The following TBC1D5 variants were observed in gnomAD, a reference collection of about 807,000 sequenced individuals.
TBC1D5 encodes the protein TBC1 domain family, member 5.
Under a neutral mutation model 100.3 loss-of-function variants are expected in TBC1D5, and 75 were observed. The observed-to-expected ratio is 0.75, with a 90% CI of 0.62 to 0.91. The LOEUF (loss-of-function observed/expected upper bound fraction) is 0.91. TBC1D5 is among the 40% of genes least tolerant of loss of function. The pLI is 0.00. For synonymous variants in TBC1D5, 323 were observed against 325.6 expected (o/e 0.99, Z 0.09); for missense variants, 910 against 942.4 (o/e 0.97, Z 0.45).
chr3:17,350,613 C>T (rs2090458472), intron 13 of TBC1D5, among the ~76,000 whole-genome samples: 1 of 152,198 alleles, frequency 6.6e-6, no homozygotes, highest in East Asian at 1.9e-4. Context: ...ACCAGTCATT[C>T]GCGACACATT....
At chr3:17,408,462 C>T (rs931682135) in intron 4 of TBC1D5, among the ~76,000 whole-genome samples, 4 of 151,932 alleles carry the variant, frequency 2.6e-5, no homozygotes, top group Non-Finnish European at 5.9e-5. Flanking sequence ...CAGGAGGGAC[C>T]ACAGGCACAC....
At chr3:17,733,596 A>C (rs1036168187) in intron 1 of TBC1D5, among the ~76,000 whole-genome samples, 1 of 152,206 alleles carries the variant, frequency 6.6e-6, no homozygotes, top group African/African-American at 2.4e-5. Flanking sequence ...CTGAGCTAGA[A>C]GGGTCCTTAG....
At chr3:17,489,032 T>C (rs1317152917) in intron 3 of TBC1D5, among the ~76,000 whole-genome samples, 2 of 151,128 alleles carry the variant, frequency 1.3e-5, no homozygotes, top group African/African-American at 2.4e-5. Context: ...CATGGAAAAA[T>C]TGTCTTCCAT....
intron 2 of TBC1D5, chr3:17,547,064 C>G (rs2096424054): frequency 1.3e-5 from 2 of 152,108 alleles, no homozygotes; most frequent in South Asian, 4.1e-4. Flanking sequence ...GTGTAATCAA[C>G]AGCAGCAGGG....
chr3:17,732,291 C>G (rs1388912538), intron 1 of TBC1D5, among the ~76,000 whole-genome samples: 1 of 151,950 alleles, frequency 6.6e-6, no homozygotes, highest in African/African-American at 2.4e-5. Context: ...GCACTCCAGC[C>G]TGGGCAACAG....
rs997654176 is a variant in TBC1D5 at position 17,405,046 on chromosome 3, G to C, written c.277-85C>G. The C allele has an allele frequency of 8.5e-6, 6 of 703,880 alleles. No homozygotes were observed. In the African/African-American group the frequency reaches 1.1e-4, roughly 13 times the overall value. 43.6% of individuals were successfully genotyped at this position (703,880 alleles called of 1,614,324 possible). A position where few individuals can be genotyped will look rare whatever the true frequency, so the allele number is the denominator to read the frequency against. On this transcript the variant is annotated intron_variant, in intron 5 of 21. Coordinates refer to ENST00000253692, the Ensembl canonical transcript of TBC1D5. ...TGCCAAACTGAACCACCTGAACATT[G>C]AAAGACATAATAGTCATGATATTTC...
At chr3:17,382,711 C>A (rs2092995988) in intron 9 of TBC1D5, among the ~76,000 whole-genome samples, 1 of 151,906 alleles carries the variant, frequency 6.6e-6, no homozygotes. Context: ...TACGTGTGCA[C>A]CACCATGCCC....
chr3:17,196,934 C>T (rs1377238993), intron 18 of TBC1D5, among the ~76,000 whole-genome samples: 1 of 152,210 alleles, frequency 6.6e-6, no homozygotes, highest in Non-Finnish European at 1.5e-5. Context: ...TGCTTACACA[C>T]AACATCATCC....
intron 3 of TBC1D5, among the ~76,000 whole-genome samples, chr3:17,479,407 TAAAG>T (rs1047756754): frequency 6.6e-6 from 1 of 151,880 alleles, no homozygotes; most frequent in Non-Finnish European, 1.5e-5. Flanking sequence ...TCAGAAAAAA[TAAAG>T]AAAGGAAACA....
chr3:17,679,323 A>T (rs944670121), intron 1 of TBC1D5, among the ~76,000 whole-genome samples: 1 of 151,562 alleles, frequency 6.6e-6, no homozygotes, highest in Non-Finnish European at 1.5e-5. Context: ...ATGTTTTATA[A>T]TAGATTATTG....
At chr3:17,342,487 G>T (rs1267929753) in intron 13 of TBC1D5, among the ~76,000 whole-genome samples, 2 of 152,228 alleles carry the variant, frequency 1.3e-5, no homozygotes, top group African/African-American at 4.8e-5. Context: ...TTTCTAGTTA[G>T]TACAGTATGT....
intron 3 of TBC1D5, among the ~76,000 whole-genome samples, chr3:17,467,244 T>C (rs2095314723): frequency 6.6e-6 from 1 of 151,238 alleles, no homozygotes; most frequent in Non-Finnish European, 1.5e-5. Flanking sequence ...GAATGCTAAC[T>C]ATTAAGTCCA....
intron 17 of TBC1D5, among the ~76,000 whole-genome samples, chr3:17,219,780 A>T (rs1460863956): frequency 6.6e-6 from 1 of 152,078 alleles, no homozygotes; most frequent in African/African-American, 2.4e-5. Context: ...AATATGCCAT[A>T]AAACTCGCTC....
chr3:17,514,338 T>C (rs1425469391), intron 2 of TBC1D5, among the ~76,000 whole-genome samples: 1 of 152,238 alleles, frequency 6.6e-6, no homozygotes, highest in Non-Finnish European at 1.5e-5. Flanking sequence ...TTTGTCTTAA[T>C]ACATGTCATT....
chr3:17,459,704 C>A (rs554892858), intron 3 of TBC1D5, among the ~76,000 whole-genome samples: 2 of 151,494 alleles, frequency 1.3e-5, no homozygotes, highest in Admixed American at 1.3e-4. Context: ...TCAGGGCCAG[C>A]CTGGGCAACA....
intron 3 of TBC1D5, among the ~76,000 whole-genome samples, chr3:17,460,393 A>C (rs2149902718): frequency 6.6e-6 from 1 of 152,314 alleles, no homozygotes; most frequent in South Asian, 2.1e-4. Flanking sequence ...TGGCTTTCTA[A>C]AACAATTCCT....
chr3:17,247,658 T>C (rs977992532), intron 16 of TBC1D5, among the ~76,000 whole-genome samples: 1 of 152,192 alleles, frequency 6.6e-6, no homozygotes, highest in Non-Finnish European at 1.5e-5. Context: ...TAAAGAAAGG[T>C]TTCTCAATAG....
intron 13 of TBC1D5, among the ~76,000 whole-genome samples, chr3:17,319,435 GTT>G (rs35059577): frequency 0.25 from 34,002 of 138,130 alleles, 4,099 homozygotes; most frequent in East Asian, 0.51. Context: ...TAATTTATAG[GTT>G]TTTTTTTTTT....
At chr3:17,322,575 A>G (rs540943466) in intron 13 of TBC1D5, among the ~76,000 whole-genome samples, 8 of 152,314 alleles carry the variant, frequency 5.3e-5, no homozygotes, top group African/African-American at 1.9e-4. Flanking sequence ...GGAAGGAGAA[A>G]CCCAAAGCAG....
Sources: allele counts gnomAD v4.1 joint callset (sites outside exome capture counted in the v4.1 genomes callset), GRCh38; gene constraint gnomAD v4.1.1; transcripts MANE v1.5; gene names NCBI Gene and HGNC (gene_info 2026-07-23, HGNC 2026-07-21).